DMD: variants seen among roughly 807,000 people sequenced by gnomAD.
The protein encoded by DMD is dystrophin.
Under a neutral mutation model 330.1 loss-of-function variants are expected in DMD, and 63 were observed. The observed-to-expected ratio is 0.19, with a 90% CI of 0.16 to 0.24. The LOEUF (loss-of-function observed/expected upper bound fraction) is 0.24, where lower values mean the gene tolerates loss of function less well. DMD is among the 10% of genes least tolerant of loss of function. DMD has a pLI of 1.00. For synonymous variants in DMD, 1,223 were observed against 959.8 expected (o/e 1.27, Z -5.07); for missense variants, 3,344 against 2,684.1 (o/e 1.25, Z -5.43).
At chrX:32,963,717 C>T (rs1054539058) in intron 2 of DMD, among the ~76,000 whole-genome samples, 2 of 111,529 alleles carry the variant, frequency 1.8e-5, no homozygotes, top group Non-Finnish European at 3.8e-5. Context: ...ATACCCACAC[C>T]TCAGGAATGC....
intron 50 of DMD, among the ~76,000 whole-genome samples, chrX:31,809,190 TATAA>T (rs1320481171): frequency 3.8e-5 from 4 of 106,068 alleles, no homozygotes; most frequent in Admixed American, 1.0e-4. Context: ...TGAGTTTATA[TATAA>T]ATATATATGA....
chrX:32,169,248 T>C (rs1479553940), intron 44 of DMD, among the ~76,000 whole-genome samples: 1 of 112,077 alleles, frequency 8.9e-6, no homozygotes, highest in Non-Finnish European at 1.9e-5. Flanking sequence ...ATGGAGGGTA[T>C]GAATGGGCTA....
intron 47 of DMD, among the ~76,000 whole-genome samples, chrX:31,914,660 T>C (rs968215108): frequency 8.9e-6 from 1 of 112,068 alleles, no homozygotes; most frequent in African/African-American, 3.2e-5. Flanking sequence ...TCTCACTTAT[T>C]TGCAGAATCT....
chrX:32,867,227 T>A (rs2082586882), intron 2 of DMD, among the ~76,000 whole-genome samples: 1 of 111,790 alleles, frequency 8.9e-6, no homozygotes, highest in Non-Finnish European at 1.9e-5. Context: ...TTACTGTCAC[T>A]TTAGATAAAA....
intron 55 of DMD, among the ~76,000 whole-genome samples, chrX:31,555,572 C>A (rs781412196): frequency 5.4e-5 from 6 of 111,788 alleles, no homozygotes; most frequent in Non-Finnish European, 9.4e-5. Flanking sequence ...AGTCTTCTGC[C>A]TGAGAATTAC....
intron 2 of DMD, among the ~76,000 whole-genome samples, chrX:33,008,390 A>C (rs2093439118): frequency 9.0e-6 from 1 of 110,772 alleles, no homozygotes; most frequent in Non-Finnish European, 1.9e-5. Context: ...TTGAAATATA[A>C]TTCTAGGAAT....
At chrX:31,288,350 G>A (rs771593523) in intron 62 of DMD, among the ~76,000 whole-genome samples, 3 of 111,956 alleles carry the variant, frequency 2.7e-5, no homozygotes, top group South Asian at 3.8e-4. Flanking sequence ...TCTGTGGGAA[G>A]CATCTACTTA....
chrX:32,993,916 C>T lies in DMD; in HGVS notation c.93+26223G>A, dbSNP rs1262955022. ...AAATTTTACAAATGATACCAGGACA[C>T]AGGAGCATTCAGAAATGAATACCTA... On this transcript the variant is annotated intron_variant, in intron 2 of 78. Coordinates refer to ENST00000357033, the MANE Select transcript of DMD (RefSeq NM_004006.3). 7.2e-5 allele frequency among the ~76,000 whole-genome samples: 8 copies of T among 111,134 alleles called. No individual in the cohort carries two copies. In the Admixed American group the frequency reaches 7.7e-4, roughly 11 times the overall value.
At chrX:31,836,397 T>A (rs2093198823) in intron 49 of DMD, among the ~76,000 whole-genome samples, 1 of 112,111 alleles carries the variant, frequency 8.9e-6, no homozygotes, top group Admixed American at 9.5e-5. Context: ...ATGAAAAGCA[T>A]CAAGGCTGGC....
chrX:32,333,006 C>T (rs1466873591), intron 41 of DMD, among the ~76,000 whole-genome samples: 1 of 111,105 alleles, frequency 9.0e-6, no homozygotes, highest in Non-Finnish European at 1.9e-5. Flanking sequence ...GGCATTTCAG[C>T]ATTAGAGAAG....
intron 62 of DMD, among the ~76,000 whole-genome samples, chrX:31,265,075 A>C (rs1417338105): frequency 1.8e-5 from 2 of 112,666 alleles, no homozygotes; most frequent in African/African-American, 3.2e-5. Context: ...CTTTTTAAAA[A>C]ACTATCTGTC....
chrX:32,871,968 G>A (rs1462999958), intron 2 of DMD, among the ~76,000 whole-genome samples: 1 of 110,989 alleles, frequency 9.0e-6, no homozygotes, highest in Non-Finnish European at 1.9e-5. Context: ...GAGACTGAAA[G>A]TATGCTTCTG....
Position 31,412,186 on chromosome X carries a change from CAA to C in DMD, c.9084+32293_9084+32294del, listed in dbSNP as rs764012481. Among the ~76,000 whole-genome samples the C allele has an allele frequency of 2.4e-3, 104 of 43,775 alleles. 1 individual carries two copies. The highest frequency in any genetic ancestry group is 7.4e-3 in the African/African-American group (82 of 11,034). 38.0% of individuals were successfully genotyped at this position (43,775 alleles called of 115,157 possible). On this transcript the variant is annotated intron_variant, in intron 60 of 78. Transcript: ENST00000357033. ...GGGTGACAGAGCGAGACTCTTGTCT[CAA>C]AAAAAAAAAAAAAAAAAAAGAGAGA...
intron 55 of DMD, among the ~76,000 whole-genome samples, chrX:31,582,503 T>C (rs1303825758): frequency 8.9e-6 from 1 of 112,035 alleles, no homozygotes; most frequent in Non-Finnish European, 1.9e-5. Context: ...TCAGCCTTCA[T>C]GTCAGAAGAT....
intron 29 of DMD, among the ~76,000 whole-genome samples, chrX:32,413,363 G>A (rs1367905897): frequency 9.0e-6 from 1 of 111,209 alleles, no homozygotes; most frequent in Non-Finnish European, 1.9e-5. Flanking sequence ...CGGTTTCAGC[G>A]AAAAACAAAT....
At chrX:32,779,053 A>C (rs891531489) in intron 7 of DMD, among the ~76,000 whole-genome samples, 5 of 111,636 alleles carry the variant, frequency 4.5e-5, no homozygotes, top group Non-Finnish European at 9.4e-5. Flanking sequence ...CCAAGTATTA[A>C]ATATCTTGGG....
At chrX:32,091,493 T>A (rs2096474536) in intron 44 of DMD, among the ~76,000 whole-genome samples, 1 of 110,514 alleles carries the variant, frequency 9.0e-6, no homozygotes, top group Admixed American at 9.7e-5. Flanking sequence ...TTTAGAATAC[T>A]CAAAGGGCTG....
chrX:31,298,410 T>TACACATAC (rs1556458761), intron 62 of DMD, among the ~76,000 whole-genome samples: 13,327 of 97,636 alleles, frequency 0.14, 720 homozygotes, highest in African/African-American at 0.21. Context: ...CACACACACA[T>TACACATAC]ACACACACAC....
chrX:32,676,298 G>C (rs959390378), intron 9 of DMD, among the ~76,000 whole-genome samples: 2 of 111,141 alleles, frequency 1.8e-5, no homozygotes, highest in Non-Finnish European at 3.8e-5. Flanking sequence ...ACTTGCTCTT[G>C]TCTTTCCACG....
Sources: allele counts gnomAD v4.1 joint callset (sites outside exome capture counted in the v4.1 genomes callset), GRCh38; gene constraint gnomAD v4.1.1; transcripts MANE v1.5; gene names NCBI Gene and HGNC (gene_info 2026-07-23, HGNC 2026-07-21).